The following DLGAP1 variants were observed in gnomAD, a reference collection of about 807,000 sequenced individuals.
The protein encoded by DLGAP1 is disks large-associated protein 1.
In DLGAP1, 11 loss-of-function variants were observed where a neutral mutation model predicts 90.8. The ratio of observed to expected loss-of-function variants is 0.12; its 90% CI spans 0.08 to 0.20. The LOEUF (loss-of-function observed/expected upper bound fraction) is 0.20. Ranked by LOEUF, DLGAP1 falls within the 10% of genes least tolerant of loss-of-function variation. The probability of loss-of-function intolerance (pLI) is 1.00; values close to 1 mark genes in which losing one functional copy is unlikely to be tolerated. For missense variants in DLGAP1, 1,050 were observed against 1,333.8 expected (o/e 0.79, Z 3.31); for synonymous variants, 558 against 540.7 (o/e 1.03, Z -0.44).
At position 4,382,129 on chromosome 18, in the gene DLGAP1, G is replaced by A. The variant is rs546437792; in HGVS notation, c.-267+72877C>T. ...AATTACAATACAAGATGAGATTTGG[G>A]TGGGAACACAGCCAAGCCATATCTC... On this transcript the variant is annotated intron_variant, in intron 1 of 12. Coordinates refer to ENST00000315677, the MANE Select transcript of DLGAP1 (RefSeq NM_004746.4). Among the ~76,000 whole-genome samples the A allele has an allele frequency of 5.9e-5, 9 of 152,174 alleles. No individual in the cohort carries two copies. In the South Asian group the frequency reaches 1.7e-3, roughly 28 times the overall value.
intron 3 of DLGAP1, among the ~76,000 whole-genome samples, chr18:3,954,314 A>G (rs11081080): frequency 0.16 from 24,728 of 152,158 alleles, 2,140 homozygotes; most frequent in Middle Eastern, 0.22. Context: ...ACAAAAATAA[A>G]AGGCCCCACA....
rs187849764 is a variant in DLGAP1, at chr18:3,647,229, G to A, written c.1592-64981C>T. Among the ~76,000 whole-genome samples the A allele has an allele frequency of 2.3e-3, 351 of 151,518 alleles. 1 individual carries two copies. Among genetic ancestry groups the A allele is most frequent in the African/African-American group, 8.1e-3 (335 of 41,248 alleles). ...AGATTGTGCCATTGCACTCCAGCCT[G>A]GGCAACAAGAGTGAAAATCCATCTC... On this transcript the variant is annotated intron_variant, in intron 7 of 12. Transcript: ENST00000315677.
chr18:3,904,984 T>C (rs1472471904), intron 3 of DLGAP1, among the ~76,000 whole-genome samples: 3 of 148,152 alleles, frequency 2.0e-5, no homozygotes, highest in Non-Finnish European at 2.9e-5. Context: ...TATTATTCAT[T>C]ATTATTATTA....
chr18:4,065,634 A>G (rs1036005700), intron 2 of DLGAP1, among the ~76,000 whole-genome samples: 5 of 152,246 alleles, frequency 3.3e-5, no homozygotes, highest in African/African-American at 1.2e-4. Context: ...AGATTTATAT[A>G]AGCAAAACTA....
chr18:3,967,358 C>T (rs566189793), intron 3 of DLGAP1, among the ~76,000 whole-genome samples: 1 of 152,182 alleles, frequency 6.6e-6, no homozygotes, highest in African/African-American at 2.4e-5. Flanking sequence ...AGATATTTGT[C>T]CTGGCATTGC....
chr18:3,974,903 AAT>A (rs2073537625), intron 3 of DLGAP1, among the ~76,000 whole-genome samples: 2 of 152,322 alleles, frequency 1.3e-5, no homozygotes, highest in South Asian at 4.1e-4. Flanking sequence ...ATAAAAAAAA[AAT>A]AAAAATAAAA....
rs772300457 is a variant in DLGAP1, at chr18:4,378,859, T to C, written c.-267+76147A>G. ...TCTTACTATTTAGCTCTGCATTTAATAAACTTGGGGTTCCTCCTCAGCTAA... is the reference window on the plus strand; with the variant it reads ...TCTTACTATTTAGCTCTGCATTTAACAAACTTGGGGTTCCTCCTCAGCTAA... On this transcript the variant is annotated intron_variant, in intron 1 of 12. Coordinates refer to ENST00000315677, the MANE Select transcript of DLGAP1 (RefSeq NM_004746.4). This position sits in a 1 kb window ranked among gnomAD's most constrained non-coding sequence, Gnocchi z 4.5. Among the ~76,000 whole-genome samples, 3 of 152,148 alleles carry C rather than the reference T, an allele frequency of 2.0e-5. No individual in the cohort carries two copies. Among genetic ancestry groups the C allele is most frequent in the African/African-American group, 4.8e-5 (2 of 41,446 alleles).
At chr18:3,812,312 G>A (rs2066883929) in intron 5 of DLGAP1, among the ~76,000 whole-genome samples, 1 of 151,534 alleles carries the variant, frequency 6.6e-6, no homozygotes, top group South Asian at 2.1e-4. Flanking sequence ...TTAATTTTCT[G>A]AGCTTCTGCT....
rs114152434 is a variant in DLGAP1 at position 4,242,865 on chromosome 18, T to A, written c.-266-91578A>T. On this transcript the variant is annotated intron_variant, in intron 1 of 12. Coordinates refer to ENST00000315677, the MANE Select transcript of DLGAP1 (RefSeq NM_004746.4). ...AACTCACAATGAGGGCAATTACACA[T>A]GTAATACCCATGATGAGGGCTAGGT... 5.5e-3 allele frequency among the ~76,000 whole-genome samples: 834 copies of A among 152,096 alleles called. 10 individuals are homozygous for A. The highest frequency in any genetic ancestry group is 0.019 in the African/African-American group (797 of 41,518).
At chr18:3,655,987 G>T in intron 7 of DLGAP1, 1 of 1,167,704 alleles carries the variant, frequency 8.6e-7, no homozygotes, top group Non-Finnish European at 1.2e-6. Context: ...TTCGCACATG[G>T]CGTCAAACAC....
Position 3,711,603 on chromosome 18 carries a change from C to T in DLGAP1, c.1591+17532G>A, listed in dbSNP as rs1235588151. On this transcript the variant is annotated intron_variant, in intron 7 of 12. Coordinates refer to ENST00000315677, the MANE Select transcript of DLGAP1 (RefSeq NM_004746.4). The surrounding 1 kb of genome is among the most constrained non-coding windows in gnomAD (Gnocchi z 4.0). ...CTTCTAATGCCGGCACTTTGGGAGG[C>T]TGAGGCAGGAGGATCACTTGAGCCC... is the stretch of plus-strand genomic sequence containing the variant. Among the ~76,000 whole-genome samples, 46 of 152,130 alleles carry T rather than the reference C, an allele frequency of 3.0e-4. No homozygotes were observed. The highest frequency in any genetic ancestry group is 3.0e-3 in the Admixed American group (46 of 15,272).
At chr18:3,553,118 A>G (rs2053567987) in intron 9 of DLGAP1, among the ~76,000 whole-genome samples, 1 of 152,192 alleles carries the variant, frequency 6.6e-6, no homozygotes, top group Admixed American at 6.5e-5. Context: ...TCTAAAAGTA[A>G]TGTTGATAAT....
chr18:4,416,105 T>C (rs1419693880), intron 1 of DLGAP1, among the ~76,000 whole-genome samples: 1 of 121,408 alleles, frequency 8.2e-6, no homozygotes, highest in African/African-American at 3.5e-5. Flanking sequence ...ATATATTGTA[T>C]GCTTCAGAAC....
intron 5 of DLGAP1, among the ~76,000 whole-genome samples, chr18:3,766,696 A>C (rs534854712): frequency 2.0e-5 from 3 of 152,312 alleles, no homozygotes; most frequent in African/African-American, 7.2e-5. Context: ...TAAACGCGGA[A>C]ATTAAACAAT....
intron 3 of DLGAP1, among the ~76,000 whole-genome samples, chr18:3,885,129 A>G (rs2071275017): frequency 6.6e-6 from 1 of 152,172 alleles, no homozygotes; most frequent in Non-Finnish European, 1.5e-5. Flanking sequence ...GGCACCTACT[A>G]TGGAGGTCCT....
chr18:4,442,549 T>C (rs1015285475), intron 1 of DLGAP1, among the ~76,000 whole-genome samples: 1 of 152,184 alleles, frequency 6.6e-6, no homozygotes. Context: ...CATAGATGTG[T>C]AGAGTACTAG....
chr18:4,285,690 C>G (rs2079670705), intron 1 of DLGAP1, among the ~76,000 whole-genome samples: 1 of 152,126 alleles, frequency 6.6e-6, no homozygotes, highest in Non-Finnish European at 1.5e-5. Flanking sequence ...CAGTGAGGTA[C>G]AGAAATAGCT....
At chr18:4,380,153 A>G (rs2082086878) in intron 1 of DLGAP1, among the ~76,000 whole-genome samples, 1 of 152,198 alleles carries the variant, frequency 6.6e-6, no homozygotes, top group Non-Finnish European at 1.5e-5. Flanking sequence ...TAGGACTTGT[A>G]GTTTAAGGAT....
chr18:4,442,608 A>G (rs943821103), intron 1 of DLGAP1, among the ~76,000 whole-genome samples: 5 of 151,098 alleles, frequency 3.3e-5, no homozygotes, highest in Non-Finnish European at 5.9e-5. Flanking sequence ...AAGGACAAAG[A>G]ATGAGAAAGT....
Sources: gnomAD v4.1 joint callset for allele counts (sites outside exome capture counted in the v4.1 genomes callset) on GRCh38, gnomAD v4.1.1 for gene constraint, Gnocchi (gnomAD v3.1) non-coding constraint, MANE v1.5 for transcripts, NCBI Gene and HGNC (gene_info 2026-07-23, HGNC 2026-07-21) for gene names.